Variants in TNFSF13B observed in about 807,000 individuals in gnomAD.
TNFSF13B encodes tumor necrosis factor ligand superfamily member 13B.
In TNFSF13B, 8 loss-of-function variants were observed where a neutral mutation model predicts 29.1. That is an observed-to-expected ratio of 0.27 (90% CI 0.16 to 0.50). The LOEUF (loss-of-function observed/expected upper bound fraction) is 0.50. Ranked by LOEUF, TNFSF13B falls within the 20% of genes least tolerant of loss-of-function variation. The pLI is 0.98. For missense variants in TNFSF13B, 248 were observed against 334.9 expected (o/e 0.74, Z 2.03); for synonymous variants, 125 against 130.8 (o/e 0.96, Z 0.30).
intron 2 of TNFSF13B, among the ~76,000 whole-genome samples, chr13:108,273,400 C>A (rs1880674024): frequency 6.6e-6 from 1 of 152,054 alleles, no homozygotes; most frequent in African/African-American, 2.4e-5. Flanking sequence ...TTTCTTATTA[C>A]TATCATAAAA....
intron 3 of TNFSF13B, among the ~76,000 whole-genome samples, chr13:108,300,448 T>C (rs1015498530): frequency 6.6e-6 from 1 of 152,144 alleles, no homozygotes; most frequent in African/African-American, 2.4e-5. Flanking sequence ...ATGAATATCA[T>C]TAAACTATGA....
chr13:108,278,852 C>T (rs1391757457), intron 2 of TNFSF13B, among the ~76,000 whole-genome samples: 1 of 152,040 alleles, frequency 6.6e-6, no homozygotes, highest in East Asian at 1.9e-4. Flanking sequence ...ATCTGCCCCA[C>T]TGGAGCCTCT....
At chr13:108,293,255 C>G (rs991708468) in intron 3 of TNFSF13B, among the ~76,000 whole-genome samples, 1 of 152,070 alleles carries the variant, frequency 6.6e-6, no homozygotes, top group East Asian at 1.9e-4. Flanking sequence ...TATTTCTGTA[C>G]TCTCAAATTT....
chr13:108,290,389 A>G (rs1037747048), intron 3 of TNFSF13B, among the ~76,000 whole-genome samples: 3 of 152,178 alleles, frequency 2.0e-5, no homozygotes, highest in African/African-American at 7.2e-5. Context: ...TGTGTGGGAC[A>G]GATTTTGAAT....
intron 3 of TNFSF13B, among the ~76,000 whole-genome samples, chr13:108,291,155 G>A (rs1218917947): frequency 6.7e-6 from 1 of 150,226 alleles, no homozygotes; most frequent in Non-Finnish European, 1.5e-5. Context: ...CTAGGGCTTT[G>A]TATTATTTTC....
At chr13:108,289,119 T>A (rs1881229675) in intron 3 of TNFSF13B, among the ~76,000 whole-genome samples, 1 of 152,188 alleles carries the variant, frequency 6.6e-6, no homozygotes, top group African/African-American at 2.4e-5. Context: ...AAAGTTACAG[T>A]TTTTAAAAAT....
chr13:108,291,192 C>CT (rs1293073800), intron 3 of TNFSF13B, among the ~76,000 whole-genome samples: 1 of 151,154 alleles, frequency 6.6e-6, no homozygotes, highest in Non-Finnish European at 1.5e-5. Flanking sequence ...CTCATTTTTT[C>CT]TTTTTACTTC....
At chr13:108,275,127 T>C (rs183002728) in intron 2 of TNFSF13B, among the ~76,000 whole-genome samples, 1 of 152,302 alleles carries the variant, frequency 6.6e-6, no homozygotes, top group Admixed American at 6.5e-5. Flanking sequence ...AAATAGCTCA[T>C]ATTAGCCAAA....
At chr13:108,278,237 A>C (rs1880812092) in intron 2 of TNFSF13B, among the ~76,000 whole-genome samples, 1 of 152,122 alleles carries the variant, frequency 6.6e-6, no homozygotes. Flanking sequence ...TATTACGATT[A>C]ATGCCAGTGA....
intron 3 of TNFSF13B, among the ~76,000 whole-genome samples, chr13:108,302,149 C>T (rs1455471764): frequency 6.6e-6 from 1 of 151,998 alleles, no homozygotes; most frequent in Admixed American, 6.6e-5. Context: ...GGCTTCTAGC[C>T]TATTGTCTGT....
chr13:108,303,172 C>A, intron 3 of TNFSF13B, 81 bp from the exon 4 acceptor site: 1 of 845,748 alleles, frequency 1.2e-6, no homozygotes, highest in Non-Finnish European at 1.8e-6. Context: ...TTCTAAGTTT[C>A]AGAGGTAGCT....
At chr13:108,296,857 G>A (rs145711422) in intron 3 of TNFSF13B, among the ~76,000 whole-genome samples, 1 of 145,416 alleles carries the variant, frequency 6.9e-6, no homozygotes, top group African/African-American at 2.6e-5. Context: ...TAACAACTTA[G>A]CTTCTCTCTT....
At position 108,298,199 on chromosome 13, in the gene TNFSF13B, T is replaced by G. The variant is rs115640773; in HGVS notation, c.482-5054T>G. On this transcript the variant is annotated intron_variant, in intron 3 of 5. Transcript: ENST00000375887. ...GTGGGGGATTTTGATAATGGGAGAG[T>G]ATCTGTAGGGAGTATGAGGTCTATG... Among the ~76,000 whole-genome samples the G allele has an allele frequency of 5.6e-3, 808 of 143,690 alleles. 110 individuals carry two copies. The highest frequency in any genetic ancestry group is 0.02 in the African/African-American group (779 of 38,350). The allele number at this position is 143,690 out of a possible 152,430, so 94.3% of individuals were successfully genotyped here.
At chr13:108,277,003 G>T (rs754088553) in intron 2 of TNFSF13B, among the ~76,000 whole-genome samples, 1 of 152,012 alleles carries the variant, frequency 6.6e-6, no homozygotes, top group Non-Finnish European at 1.5e-5. Flanking sequence ...GAAACAGAAG[G>T]TTTCTCTTCA....
intron 2 of TNFSF13B, among the ~76,000 whole-genome samples, chr13:108,276,682 G>A (rs576386698): frequency 3.9e-5 from 6 of 152,088 alleles, no homozygotes; most frequent in Non-Finnish European, 7.4e-5. Flanking sequence ...AAAGAAATGC[G>A]TTTTCATTTT....
chr13:108,302,800 G>T, intron 3 of TNFSF13B: 1 of 985,894 alleles, frequency 1.0e-6, no homozygotes, highest in South Asian at 4.7e-5. Context: ...CCACATTTGG[G>T]CCAAGGAATG....
intron 2 of TNFSF13B, among the ~76,000 whole-genome samples, chr13:108,282,875 T>C (rs993965269): frequency 2.6e-5 from 4 of 152,192 alleles, no homozygotes; most frequent in African/African-American, 9.6e-5. Context: ...AAAAAAACTA[T>C]TCTTAACCTC....
intron 3 of TNFSF13B, among the ~76,000 whole-genome samples, chr13:108,301,580 T>C (rs1354185101): frequency 6.6e-6 from 1 of 152,080 alleles, no homozygotes; most frequent in Non-Finnish European, 1.5e-5. Context: ...ATATGTGGAA[T>C]CTAAAAAAAG....
chr13:108,303,275 G>A lies in TNFSF13B; in HGVS notation c.504G>A (p.Trp168Ter). Reference protein sequence around the residue: ...IQKGSYTFVPWLLSFKRGSAL... With the variant: ...IQKGSYTFVP ...CAGGATCTTACACATTTGTTCCATG[G>A]CTTCTCAGCTTTAAAAGGGGAAGTG... The change falls in exon 4 of 6, where the codon TGG becomes TGA. Residue 168 changes from tryptophan to a stop codon, truncating the protein, a stop_gained. Coordinates refer to ENST00000375887, the MANE Select transcript of TNFSF13B (RefSeq NM_006573.5). LOFTEE classifies it high-confidence loss of function. 1 of 1,612,510 alleles carries A rather than the reference G, an allele frequency of 6.2e-7. No homozygotes were observed. The highest frequency in any genetic ancestry group is 8.5e-7 in the Non-Finnish European group (1 of 1,179,266).
Sources: allele counts gnomAD v4.1 joint callset (sites outside exome capture counted in the v4.1 genomes callset), GRCh38; gene constraint gnomAD v4.1.1; transcripts MANE v1.5; gene names NCBI Gene and HGNC (gene_info 2026-07-23, HGNC 2026-07-21).